Variants in NDUFAF6 observed in about 807,000 individuals in gnomAD.
NDUFAF6 encodes NADH:ubiquinone oxidoreductase complex assembly factor 6, also known as NADH dehydrogenase (ubiquinone) complex I, assembly factor 6.
In NDUFAF6, 45 loss-of-function variants were observed where a neutral mutation model predicts 40.8. That is an observed-to-expected ratio of 1.10 (90% confidence interval 0.87 to 1.42). The LOEUF is 1.42. Ranked by LOEUF, NDUFAF6 falls within the 40% of genes most tolerant of loss-of-function variation. NDUFAF6 has a pLI of 0.00. For synonymous variants in NDUFAF6, 185 were observed against 155.9 expected, an observed-to-expected ratio of 1.19 and a Z score of -1.39; for missense variants, 435 against 418.5, an observed-to-expected ratio of 1.04 and a Z score of -0.34.
chr8:95,018,294 C>A (rs533008357), intron 2 of NDUFAF6, among the ~76,000 whole-genome samples: 1 of 151,916 alleles, frequency 6.6e-6, no homozygotes, highest in South Asian at 2.1e-4. Flanking sequence ...GCCTTGGCCT[C>A]CCCAAGTGCG....
At chr8:94,969,717 A>G (rs896445563) in intron 1 of NDUFAF6, among the ~76,000 whole-genome samples, 5 of 152,232 alleles carry the variant, frequency 3.3e-5, no homozygotes, top group African/African-American at 1.2e-4. Context: ...ATATATTGAT[A>G]TCAATAACCA....
chr8:95,086,387 A>G (rs2132057803), intron 2 of NDUFAF6, among the ~76,000 whole-genome samples: 1 of 152,194 alleles, frequency 6.6e-6, no homozygotes, highest in East Asian at 1.9e-4. Flanking sequence ...GCACTTTGCT[A>G]TTTTCATTTG....
chr8:94,898,053 G>A (rs958803492), intron 1 of NDUFAF6, among the ~76,000 whole-genome samples: 2 of 152,104 alleles, frequency 1.3e-5, no homozygotes, highest in Non-Finnish European at 2.9e-5. Flanking sequence ...TTTTAGAACA[G>A]TTTTAAAGAA....
chr8:95,012,816 T>C (rs1426773946), intron 2 of NDUFAF6, among the ~76,000 whole-genome samples: 2 of 149,412 alleles, frequency 1.3e-5, no homozygotes, highest in Admixed American at 1.3e-4. Context: ...AGAGTAAGAC[T>C]CTGTCTCAAA....
At chr8:95,025,740 G>A (rs937244011) in intron 1 of NDUFAF6, among the ~76,000 whole-genome samples, 3 of 152,206 alleles carry the variant, frequency 2.0e-5, no homozygotes, top group Admixed American at 6.5e-5. Flanking sequence ...AGGAAACTGG[G>A]TTTTATAGTG....
At chr8:94,900,953 G>A (rs1817976279) in intron 1 of NDUFAF6, among the ~76,000 whole-genome samples, 1 of 152,180 alleles carries the variant, frequency 6.6e-6, no homozygotes, top group Admixed American at 6.5e-5. Context: ...TAAATCTAGT[G>A]TAAGGGAGGG....
At chr8:94,973,891 A>G (rs887832640) in intron 1 of NDUFAF6, among the ~76,000 whole-genome samples, 8 of 151,448 alleles carry the variant, frequency 5.3e-5, no homozygotes, top group South Asian at 4.2e-4. Context: ...CCAGACATGG[A>G]ATCTTTGATC....
At chr8:94,909,927 TG>T (rs1197008080) in intron 1 of NDUFAF6, among the ~76,000 whole-genome samples, 1 of 152,010 alleles carries the variant, frequency 6.6e-6, no homozygotes, top group African/African-American at 2.4e-5. Flanking sequence ...GCATTGAGCT[TG>T]TGAGAGACCA....
intron 2 of NDUFAF6, 105 bp from the exon 3 acceptor site, chr8:95,035,349 T>C: frequency 8.4e-7 from 1 of 1,184,828 alleles, no homozygotes. Context: ...ATCACCATAG[T>C]CATAATACAG....
intron 1 of NDUFAF6, chr8:94,940,712 C>G: frequency 1.4e-6 from 1 of 692,964 alleles, no homozygotes; most frequent in Non-Finnish European, 2.4e-6. Context: ...AAGACAAACT[C>G]CTGCTTACTT....
rs1455381252 is a variant in NDUFAF6, at chr8:95,058,484, A to G, written c.*547A>G. On this transcript the variant is annotated 3_prime_UTR_variant, in exon 9 of 9. Transcript: ENST00000396124. ...TACAATCTTGTGTAAAAATTTATCC[A>G]TGATAATAACATAACTTCTTTAAGG... is the stretch of plus-strand genomic sequence containing the variant. 1 of 1,228,718 alleles carries G rather than the reference A, an allele frequency of 8.1e-7. No homozygotes were observed. Among genetic ancestry groups the G allele is most frequent in the Non-Finnish European group, 1.0e-6 (1 of 986,648 alleles). 76.1% of individuals were successfully genotyped at this position (1,228,718 alleles called of 1,614,324 possible).
downstream of NDUFAF6, among the ~76,000 whole-genome samples, chr8:95,118,372 C>T (rs1165720006): frequency 6.6e-6 from 1 of 152,152 alleles, no homozygotes; most frequent in African/African-American, 2.4e-5. Context: ...AGACTCCTAA[C>T]GTTGGTGCAA....
downstream of NDUFAF6, among the ~76,000 whole-genome samples, chr8:95,059,318 T>G (rs181681086): frequency 6.6e-6 from 1 of 152,172 alleles, no homozygotes; most frequent in Non-Finnish European, 1.5e-5. Flanking sequence ...AAATTCAAAC[T>G]GAGAGCTTTT....
intron 2 of NDUFAF6, among the ~76,000 whole-genome samples, chr8:95,004,933 G>A (rs1374764636): frequency 6.6e-6 from 1 of 152,144 alleles, no homozygotes; most frequent in Admixed American, 6.6e-5. Context: ...TTTATCGGAA[G>A]GGTCAAAGAT....
chr8:94,908,088 A>G (rs1818510545), intron 1 of NDUFAF6, among the ~76,000 whole-genome samples: 1 of 152,232 alleles, frequency 6.6e-6, no homozygotes, highest in African/African-American at 2.4e-5. Context: ...CACATTGTGA[A>G]AGGACATTTT....
At chr8:94,939,003 C>T (rs1821262843) in intron 1 of NDUFAF6, among the ~76,000 whole-genome samples, 1 of 152,170 alleles carries the variant, frequency 6.6e-6, no homozygotes, top group Non-Finnish European at 1.5e-5. Context: ...TGAATTGAAT[C>T]AGAGGACACT....
At chr8:94,905,813 C>A (rs1316177612) in intron 1 of NDUFAF6, among the ~76,000 whole-genome samples, 1 of 152,206 alleles carries the variant, frequency 6.6e-6, no homozygotes, top group Non-Finnish European at 1.5e-5. Context: ...ACCAGCTGGA[C>A]TGCTGTGCAG....
At chr8:94,960,007 C>G (rs1823434726) in intron 1 of NDUFAF6, among the ~76,000 whole-genome samples, 1 of 152,354 alleles carries the variant, frequency 6.6e-6, no homozygotes, top group Admixed American at 6.5e-5. Flanking sequence ...ACTTGCATGT[C>G]CGAGTCCAGA....
intron 3 of NDUFAF6, among the ~76,000 whole-genome samples, chr8:95,037,163 C>G (rs1221089431): frequency 6.6e-6 from 1 of 152,200 alleles, no homozygotes; most frequent in African/African-American, 2.4e-5. Context: ...TGAATTTTAG[C>G]TGCAGTTTGA....
Sources: gnomAD v4.1 joint callset for allele counts (sites outside exome capture counted in the v4.1 genomes callset) on GRCh38, gnomAD v4.1.1 for gene constraint, MANE v1.5 for transcripts, NCBI Gene and HGNC (gene_info 2026-07-23, HGNC 2026-07-21) for gene names.